Variants in SFI1 observed in about 807,000 individuals in gnomAD.
SFI1 encodes protein SFI1 homolog.
SFI1 carries 195 observed loss-of-function variants against 207.5 expected under a neutral mutation model. That is an observed-to-expected ratio of 0.94 (90% CI 0.84 to 1.06). SFI1 has a LOEUF of 1.06. Ranked by LOEUF, SFI1 falls within the 50% of genes least tolerant of loss-of-function variation. The pLI, the probability that SFI1 is intolerant of heterozygous loss-of-function variation, is 0.00. For missense variants in SFI1, 1,634 were observed against 1,588.0 expected, an observed-to-expected ratio of 1.03 and a Z score of -0.49; for synonymous variants, 630 against 598.9, an observed-to-expected ratio of 1.05 and a Z score of -0.76.
chr22:31,516,505 T>G (rs2056523260), intron 2 of SFI1, among the ~76,000 whole-genome samples: 1 of 145,590 alleles, frequency 6.9e-6, no homozygotes, highest in Non-Finnish European at 1.5e-5. Context: ...AGAGTGAAAC[T>G]CTCAAAAAGA....
intron 2 of SFI1, among the ~76,000 whole-genome samples, chr22:31,523,128 TAAG>T (rs986925399): frequency 1.4e-4 from 22 of 152,326 alleles, no homozygotes; most frequent in African/African-American, 5.3e-4. Flanking sequence ...GCTTTTATAA[TAAG>T]AAAATAAATA....
chr22:31,614,368 A>G (rs1346428081), intron 27 of SFI1: 3 of 374,040 alleles, frequency 8.0e-6, no homozygotes, highest in Non-Finnish European at 1.6e-5. Context: ...GGTGGCTCCC[A>G]CAGCAACCAG....
At chr22:31,530,986 C>T in intron 3 of SFI1, 72 bp from the exon 4 acceptor site, 1 of 1,326,614 alleles carries the variant, frequency 7.5e-7, no homozygotes, top group Non-Finnish European at 1.1e-6. Context: ...GCTTCCTTTC[C>T]TTTCCAGAAA....
intron 1 of SFI1, among the ~76,000 whole-genome samples, 168 bp from the exon 2 acceptor site, chr22:31,508,084 TAAA>T: frequency 6.8e-6 from 1 of 148,094 alleles, no homozygotes; most frequent in East Asian, 2.0e-4. Flanking sequence ...TCAAAAAAAT[TAAA>T]AAAAAAAGTA....
At position 31,565,568 on chromosome 22, in the gene SFI1, G is replaced by A. The variant is rs564531282; in HGVS notation, c.765+4176G>A. 5.9e-5 allele frequency among the ~76,000 whole-genome samples: 9 copies of A among 151,880 alleles called. No individual in the cohort carries two copies. The East Asian group carries it at 1.7e-3, about 29-fold the overall frequency. On this transcript the variant is annotated intron_variant, in intron 8 of 32. Transcript: ENST00000400288. ...AAAAAAATTAGCTAGACGTGGTGGC[G>A]CATGCCTGTTGTCCCAGCTACTTGG... is the stretch of plus-strand genomic sequence containing the variant.
At chr22:31,601,371 C>T (rs2068075119) in intron 15 of SFI1, among the ~76,000 whole-genome samples, 2 of 152,130 alleles carry the variant, frequency 1.3e-5, no homozygotes, top group African/African-American at 4.8e-5. Flanking sequence ...GATCCGCCCA[C>T]CTCGGCCTCC....
intron 18 of SFI1, 108 bp from the exon 19 acceptor site, chr22:31,604,201 G>A: frequency 2.4e-6 from 2 of 827,252 alleles, no homozygotes; most frequent in Non-Finnish European, 2.0e-6. Flanking sequence ...TGAGGCCAGA[G>A]AGGTTAATTT....
chr22:31,553,838 GTTTTT>G (rs58333559), intron 6 of SFI1, among the ~76,000 whole-genome samples: 32 of 26,286 alleles, frequency 1.2e-3, no homozygotes, highest in African/African-American at 3.3e-3. Flanking sequence ...AATGGATTAT[GTTTTT>G]TTTTTTTTTT....
intron 3 of SFI1, chr22:31,530,801 A>G: frequency 4.0e-6 from 2 of 493,904 alleles, no homozygotes; most frequent in Non-Finnish European, 7.4e-6. Context: ...CCTGTACCTC[A>G]TTTTTGAAGT....
rs755164993 is a variant in SFI1, at chr22:31,616,836, A to T, written c.3392A>T (p.Asp1131Val). The T allele has an allele frequency of 6.2e-7, 1 of 1,612,648 alleles. No homozygotes were observed. Among genetic ancestry groups the T allele is most frequent in the Non-Finnish European group, 8.5e-7 (1 of 1,179,360 alleles). The change falls in exon 30 of 33, where the codon GAC (aspartate) becomes GTC (valine). Residue 1131 changes from aspartate to valine, a missense_variant. Transcript: ENST00000400288. ...VPDPHLLLPG[D>V]FSATRAGPGL... ...GACCCCCATCTACTCCTTCCTGGGG[A>T]CTTCTCAGCCACCAGGGCTGGGCCT...
rs758248513 is a variant in SFI1 at position 31,613,547 on chromosome 22, T to C, written c.2742+17T>C. On this transcript the variant is annotated intron_variant, in intron 26 of 32. Coordinates refer to ENST00000400288, the MANE Select transcript of SFI1 (RefSeq NM_001007467.3). The stretch of plus-strand genomic sequence containing the variant: ...CAGGTCCAGGTAGGCCCAGGGCCCC[T>C]TCCTGTGGGGAGCAGGCAGGGTGTG... The C allele has an allele frequency of 1.3e-6, 2 of 1,581,312 alleles. 1 individual carries two copies. Among genetic ancestry groups the C allele is most frequent in the South Asian group, 2.2e-5 (2 of 88,944 alleles).
At chr22:31,515,775 T>A (rs1328914932) in intron 2 of SFI1, among the ~76,000 whole-genome samples, 1 of 150,910 alleles carries the variant, frequency 6.6e-6, no homozygotes, top group East Asian at 1.9e-4. Context: ...TCTCCCTCTG[T>A]TGCCCAGGCT....
At chr22:31,523,240 A>G (rs1186346538) in intron 2 of SFI1, among the ~76,000 whole-genome samples, 1 of 152,186 alleles carries the variant, frequency 6.6e-6, no homozygotes. Flanking sequence ...AGTAAATACA[A>G]TGATATTTTC....
Position 31,597,425 on chromosome 22 carries a change from A to C in SFI1, c.1545-4787A>C, listed in dbSNP as rs767755386. On this transcript the variant is annotated intron_variant, in intron 15 of 32. Transcript: ENST00000400288. The stretch of plus-strand genomic sequence containing the variant: ...ATTCCTGTTTTCCTTGTTCATGAGC[A>C]GAGTGATTGAGAGTCTGGCTTAGAA... 1.1e-4 allele frequency among the ~76,000 whole-genome samples: 17 copies of C among 152,150 alleles called. 2 individuals carry two copies. The highest frequency in any genetic ancestry group is 1.5e-4 in the Non-Finnish European group (10 of 68,026).
rs142978716 is a variant in SFI1, at chr22:31,503,665, G to T, written c.-30-4590G>T. Among the ~76,000 whole-genome samples the T allele has an allele frequency of 4.9e-3, 682 of 139,708 alleles. 15 individuals carry two copies. The East Asian group carries it at 0.052, about 11-fold the overall frequency. 91.7% of individuals were successfully genotyped at this position (139,708 alleles called of 152,430 possible). A position where few individuals can be genotyped will look rare whatever the true frequency, so the allele number is the denominator to read the frequency against. On this transcript the variant is annotated intron_variant, in intron 1 of 32. Transcript: ENST00000400288. ...TACAGTGGTGCGATCTTGGCTCACT[G>T]CAACCTCCGCCTCCTAGGTACAAGT...
At chr22:31,558,311 G>A (rs2061362994) in intron 7 of SFI1, among the ~76,000 whole-genome samples, 1 of 152,156 alleles carries the variant, frequency 6.6e-6, no homozygotes, top group African/African-American at 2.4e-5. Context: ...AGGCTTGCTT[G>A]AGGCCGGGAG....
Position 31,546,844 on chromosome 22 carries a change from T to A in SFI1, c.339-17T>A. 2.0e-6 allele frequency: 2 copies of A among 1,001,976 alleles called. No homozygotes were observed. Among genetic ancestry groups the A allele is most frequent in the Non-Finnish European group, 2.8e-6 (2 of 712,178 alleles). 62.1% of individuals were successfully genotyped at this position (1,001,976 alleles called of 1,614,324 possible). ...CCAACATCATCATATATATATATGA[T>A]TTTTTTTTTGCCGTAGATTTTACTA... On this transcript the variant is annotated splice_polypyrimidine_tract_variant and intron_variant, in intron 4 of 32. Transcript: ENST00000400288.
intron 6 of SFI1, among the ~76,000 whole-genome samples, chr22:31,555,641 A>G (rs1227104571): frequency 6.6e-6 from 1 of 152,164 alleles, no homozygotes; most frequent in Non-Finnish European, 1.5e-5. Context: ...TCTCATTTAC[A>G]CTTTCCAAAC....
intron 2 of SFI1, among the ~76,000 whole-genome samples, chr22:31,515,888 C>T (rs2056425905): frequency 6.6e-6 from 1 of 151,924 alleles, no homozygotes; most frequent in African/African-American, 2.4e-5. Context: ...CAGTCACGCA[C>T]CACCATGTCT....
Sources: allele counts gnomAD v4.1 joint callset (sites outside exome capture counted in the v4.1 genomes callset), GRCh38; gene constraint gnomAD v4.1.1; transcripts MANE v1.5; gene names NCBI Gene and HGNC (gene_info 2026-07-23, HGNC 2026-07-21).